The following NELL1 variants were observed in gnomAD, a reference collection of about 807,000 sequenced individuals.
NELL1 encodes the protein neural EGFL like 1, also known as protein kinase C-binding protein NELL1.
A neutral mutation model predicts 107.4 loss-of-function variants in NELL1; 76 were observed. The ratio of observed to expected loss-of-function variants is 0.71; its 90% CI spans 0.59 to 0.86. The LOEUF is 0.86. Ranked by LOEUF, NELL1 falls within the 40% of genes least tolerant of loss-of-function variation. The pLI is 0.00. For synonymous variants in NELL1, 353 were observed against 341.2 expected (o/e 1.03, Z -0.38); for missense variants, 1,024 against 1,005.5 (o/e 1.02, Z -0.25).
chr11:20,702,324 G>T (rs949040615), intron 2 of NELL1, among the ~76,000 whole-genome samples: 2 of 152,136 alleles, frequency 1.3e-5, no homozygotes, highest in African/African-American at 4.8e-5. Flanking sequence ...TGTTATTGGT[G>T]TATAAGAATG....
Position 21,524,658 on chromosome 11 carries a change from G to A in NELL1, c.1646-9716G>A, listed in dbSNP as rs374305476. Among the ~76,000 whole-genome samples the A allele has an allele frequency of 3.3e-5, 5 of 152,250 alleles. No homozygotes were observed. In the South Asian group the frequency reaches 1.0e-3, roughly 32 times the overall value. On this transcript the variant is annotated intron_variant, in intron 15 of 19. Transcript: ENST00000357134. ...GAATTTTGAGAAATAAAGGCAAATT[G>A]ATAGTCAAAGTGAGGTCAAATTGTT...
At chr11:21,046,051 T>C (rs1853345945) in intron 12 of NELL1, among the ~76,000 whole-genome samples, 1 of 152,218 alleles carries the variant, frequency 6.6e-6, no homozygotes, top group South Asian at 2.1e-4. Flanking sequence ...ATATTTACTT[T>C]ATATCTGTCT....
chr11:21,450,118 A>G (rs1279559548), intron 15 of NELL1, among the ~76,000 whole-genome samples: 1 of 152,210 alleles, frequency 6.6e-6, no homozygotes, highest in Non-Finnish European at 1.5e-5. Flanking sequence ...TTACTTCTGA[A>G]AGATTAGTAG....
intron 13 of NELL1, among the ~76,000 whole-genome samples, chr11:21,183,864 G>A (rs2133827079): frequency 6.6e-6 from 1 of 151,950 alleles, no homozygotes; most frequent in East Asian, 1.9e-4. Flanking sequence ...TGAGATTGAG[G>A]GAGGGTAAAG....
At chr11:20,721,590 A>G (rs898969829) in intron 2 of NELL1, among the ~76,000 whole-genome samples, 1 of 152,210 alleles carries the variant, frequency 6.6e-6, no homozygotes, top group Admixed American at 6.5e-5. Flanking sequence ...GGCCAAAGTA[A>G]GTCTTATCGC....
intron 16 of NELL1, among the ~76,000 whole-genome samples, chr11:21,536,029 C>A (rs1856127785): frequency 6.6e-6 from 1 of 152,234 alleles, no homozygotes; most frequent in African/African-American, 2.4e-5. Flanking sequence ...TATTTGACAT[C>A]ATTAAAAGGG....
chr11:21,517,904 C>A (rs1855610833), intron 15 of NELL1, among the ~76,000 whole-genome samples: 1 of 151,974 alleles, frequency 6.6e-6, no homozygotes, highest in Non-Finnish European at 1.5e-5. Flanking sequence ...TTGGTCCTGG[C>A]TCCAACCTTT....
rs2133971258 is a variant in NELL1, at chr11:21,534,628, T to A, written c.1786+114T>A. 3 of 1,129,134 alleles carry A rather than the reference T, an allele frequency of 2.7e-6. No homozygotes were observed. In the East Asian group the frequency reaches 7.3e-5, roughly 27 times the overall value. 69.9% of individuals were successfully genotyped at this position (1,129,134 alleles called of 1,614,324 possible). On this transcript the variant is annotated intron_variant, in intron 16 of 19. Coordinates refer to ENST00000357134, the MANE Select transcript of NELL1 (RefSeq NM_006157.5). ...AAAATATGACCATTCATTGGTTAAA[T>A]GCATCAGTTTTCAAATTTTCTCCCT... is the stretch of plus-strand genomic sequence containing the variant.
chr11:20,767,691 C>T (rs1485458121), intron 2 of NELL1, among the ~76,000 whole-genome samples: 1 of 152,082 alleles, frequency 6.6e-6, no homozygotes, highest in African/African-American at 2.4e-5. Flanking sequence ...GGCCTAGGTA[C>T]AGTGAAGAGG....
intron 13 of NELL1, among the ~76,000 whole-genome samples, chr11:21,139,562 C>T (rs187396307): frequency 6.6e-6 from 1 of 152,270 alleles, no homozygotes; most frequent in Admixed American, 6.5e-5. Context: ...CTGTCTCTTC[C>T]ACTAGAAAAT....
chr11:21,466,276 A>G (rs1175755381), intron 15 of NELL1, among the ~76,000 whole-genome samples: 1 of 152,142 alleles, frequency 6.6e-6, no homozygotes, highest in African/African-American at 2.4e-5. Context: ...TGGCGACTAG[A>G]CATGGCACCC....
intron 3 of NELL1, among the ~76,000 whole-genome samples, chr11:20,846,956 CA>C (rs1448234443): frequency 2.0e-5 from 3 of 152,196 alleles, no homozygotes; most frequent in African/African-American, 7.2e-5. Flanking sequence ...GTTTGAAAAA[CA>C]GGATCATAAT....
Position 21,415,108 on chromosome 11 carries a change from A to G in NELL1, c.1645+44160A>G, listed in dbSNP as rs540724365. Among the ~76,000 whole-genome samples, 4 of 152,242 alleles carry G rather than the reference A, an allele frequency of 2.6e-5. No individual in the cohort carries two copies. In the East Asian group the frequency reaches 7.7e-4, roughly 29 times the overall value. The stretch of plus-strand genomic sequence containing the variant: ...CAGGGCTGTTAAACTACCTGAAACT[A>G]GAGTGAGTTGGAGCTTTGACTGAGG... On this transcript the variant is annotated intron_variant, in intron 15 of 19. Transcript: ENST00000357134.
At chr11:21,335,357 C>G (rs1850367609) in intron 14 of NELL1, among the ~76,000 whole-genome samples, 1 of 151,932 alleles carries the variant, frequency 6.6e-6, no homozygotes, top group South Asian at 2.1e-4. Context: ...TTCTCACTTT[C>G]CTATTACTTG....
At chr11:21,572,272 T>G (rs1485161820) in intron 18 of NELL1, among the ~76,000 whole-genome samples, 1 of 151,842 alleles carries the variant, frequency 6.6e-6, no homozygotes, top group African/African-American at 2.4e-5. Context: ...TCCTAGCCCC[T>G]AAGATGAATA....
chr11:20,831,515 A>G (rs190394691), intron 3 of NELL1, among the ~76,000 whole-genome samples: 41 of 152,314 alleles, frequency 2.7e-4, no homozygotes, highest in Middle Eastern at 6.8e-3. Flanking sequence ...GAGATGAAGA[A>G]CATAACAGGA....
At position 21,190,268 on chromosome 11, in the gene NELL1, C is replaced by T. The variant is rs982618659; in HGVS notation, c.1427-39064C>T. On this transcript the variant is annotated intron_variant, in intron 13 of 19. Coordinates refer to ENST00000357134, the MANE Select transcript of NELL1 (RefSeq NM_006157.5). The stretch of plus-strand genomic sequence containing the variant: ...TCTGGAGGCTGAAGCAGGAGAATTG[C>T]TTGAATCCAGGAGGTGGAGGTAATA... Among the ~76,000 whole-genome samples, 3 of 151,896 alleles carry T rather than the reference C, an allele frequency of 2.0e-5. No individual in the cohort carries two copies. In the South Asian group the frequency reaches 6.2e-4, roughly 32 times the overall value.
At chr11:21,450,628 A>G (rs914636949) in intron 15 of NELL1, among the ~76,000 whole-genome samples, 4 of 152,330 alleles carry the variant, frequency 2.6e-5, no homozygotes, top group African/African-American at 4.8e-5. Context: ...GTTATTGTAC[A>G]TACAGATTTC....
At chr11:20,680,122 C>T (rs947788701) in intron 2 of NELL1, among the ~76,000 whole-genome samples, 1 of 152,074 alleles carries the variant, frequency 6.6e-6, no homozygotes, top group African/African-American at 2.4e-5. Flanking sequence ...TTCGGCTCAC[C>T]TAGAAATTCA....
Sources: gnomAD v4.1 joint callset for allele counts (sites outside exome capture counted in the v4.1 genomes callset) on GRCh38, gnomAD v4.1.1 for gene constraint, MANE v1.5 for transcripts, NCBI Gene and HGNC (gene_info 2026-07-23, HGNC 2026-07-21) for gene names.